Variants in POLR2E observed in about 807,000 individuals in gnomAD.
POLR2E encodes RNA polymerase II, I and III subunit E, also known as DNA-directed RNA polymerases I, II, and III subunit RPABC1.
In POLR2E, 35 loss-of-function variants were observed where a neutral mutation model predicts 29.8. That is an observed-to-expected ratio of 1.17 (90% CI 0.90 to 1.55). The LOEUF (loss-of-function observed/expected upper bound fraction) is 1.55. POLR2E is among the 40% of genes most tolerant of loss of function. The probability of loss-of-function intolerance (pLI) is 0.00; values close to 1 mark genes in which losing one functional copy is unlikely to be tolerated. For synonymous variants in POLR2E, 174 were observed against 112.6 expected (o/e 1.55, Z -3.45); for missense variants, 287 against 288.6 (o/e 0.99, Z 0.04).
chr19:1,088,706 G>C lies in POLR2E; in HGVS notation c.*29C>G, dbSNP rs2043763833. 1 of 149,908 alleles carries C rather than the reference G, an allele frequency of 6.7e-6. No individual in the cohort carries two copies. Among genetic ancestry groups the C allele is most frequent in the Non-Finnish European group, 1.5e-5 (1 of 66,416 alleles). The allele number at this position is 149,908 out of a possible 1,614,324, so 9.3% of individuals were successfully genotyped here. A position where few individuals can be genotyped will look rare whatever the true frequency, so the allele number is the denominator to read the frequency against. On this transcript the variant is annotated 3_prime_UTR_variant, in exon 8 of 8. Coordinates refer to ENST00000615234, the MANE Select transcript of POLR2E (RefSeq NM_002695.5). Reference sequence around the variant, plus strand: ...CCTGCAGGGATGGGGGTCGCTGTGTGTCCGCCTCTAGGGGCTAGGAAAGGG... The same window carrying C: ...CCTGCAGGGATGGGGGTCGCTGTGTCTCCGCCTCTAGGGGCTAGGAAAGGG...
rs571866527 is a variant in POLR2E, at chr19:1,094,095, C to G, written c.58-17G>C. The G allele has an allele frequency of 6.3e-7, 1 of 1,596,126 alleles. No individual in the cohort carries two copies. The highest frequency in any genetic ancestry group is 1.3e-5 in the African/African-American group (1 of 74,196). ...GTGGCACAGCTGCAGAGAGAAAGAACCAGCTGACCCCAGGGCAGAGAGAGG... is the reference window on the plus strand; with the variant it reads ...GTGGCACAGCTGCAGAGAGAAAGAAGCAGCTGACCCCAGGGCAGAGAGAGG... On this transcript the variant is annotated splice_polypyrimidine_tract_variant and intron_variant, in intron 1 of 7. Coordinates refer to ENST00000615234, the MANE Select transcript of POLR2E (RefSeq NM_002695.5).
In POLR2E at chr19:1,093,914, CACAA is replaced by C; in HGVS notation, c.218_221del (p.Phe73CysfsTer37). The C allele has an allele frequency of 6.2e-7, 1 of 1,600,214 alleles. No individual in the cohort carries two copies. The highest frequency in any genetic ancestry group is 8.5e-7 in the Non-Finnish European group (1 of 1,172,814). ...GGACCCGCTGCTCACCTGGAAAGAA[CACAA>C]ACATCTGGTCGGTGGGGTCATCGTT... is the stretch of plus-strand genomic sequence containing the variant. On this transcript the variant is annotated frameshift_variant, in exon 2 of 8. Transcript: ENST00000615234. LOFTEE classifies it high-confidence loss of function.
intron 6 of POLR2E, 135 bp downstream of exon 6, chr19:1,089,749 A>T: frequency 5.0e-6 from 4 of 805,278 alleles, no homozygotes; most frequent in Non-Finnish European, 8.2e-6. Flanking sequence ...AGAGGGGGAT[A>T]TTGGGGGTGT....
In POLR2E at chr19:1,086,610, T is replaced by TAA. The variant is rs759776995; in HGVS notation, c.*2123_*2124dup. The stretch of plus-strand genomic sequence containing the variant: ...CACAGGCACGTTTATTTTGCTGAAA[T>TAA]AAAAAGTTTTTAATCGGGTGTTTTC... On this transcript the variant is annotated 3_prime_UTR_variant, in exon 8 of 8. Transcript: ENST00000615234. 1.3e-5 allele frequency: 2 copies of TAA among 151,830 alleles called. No homozygotes were observed. Among genetic ancestry groups the TAA allele is most frequent in the Non-Finnish European group, 3.0e-5 (2 of 67,668 alleles). The allele number at this position is 151,830 out of a possible 1,614,324, so 9.4% of individuals were successfully genotyped here.
intron 4 of POLR2E, 148 bp from the exon 5 acceptor site, chr19:1,090,293 C>T: frequency 2.8e-6 from 2 of 705,434 alleles, no homozygotes; most frequent in South Asian, 3.2e-5. Context: ...CCACCCACCC[C>T]ACCCTGGCTC....
chr19:1,091,509 C>A (rs1326020469), intron 3 of POLR2E: 4 of 480,330 alleles, frequency 8.3e-6, no homozygotes, highest in Non-Finnish European at 1.5e-5. Flanking sequence ...GAATCTGCAC[C>A]AGGCCGAGGG....
intron 5 of POLR2E, 36 bp downstream of exon 5, chr19:1,090,051 A>C (rs768045893): frequency 4.1e-6 from 5 of 1,215,316 alleles, no homozygotes; most frequent in South Asian, 1.2e-5. Context: ...CTCGAGGGAC[A>C]GGGAGGGGCG....
chr19:1,093,458 CA>C (rs2043879673), intron 2 of POLR2E, among the ~76,000 whole-genome samples: 1 of 151,100 alleles, frequency 6.6e-6, no homozygotes, highest in Non-Finnish European at 1.5e-5. Context: ...CGGACGCTGA[CA>C]GGGGAGAGGG....
chr19:1,090,245 G>A (rs2043799982), intron 4 of POLR2E, 100 bp from the exon 5 acceptor site: 1 of 1,000,492 alleles, frequency 1.0e-6, no homozygotes, highest in Non-Finnish European at 1.6e-6. Context: ...ACGGACAAGA[G>A]CCCTGAACCC....
At chr19:1,090,852 C>A (rs528570862) in intron 4 of POLR2E, 56 bp downstream of exon 4, 3 of 1,487,708 alleles carry the variant, frequency 2.0e-6, no homozygotes, top group Admixed American at 1.7e-5. Context: ...TGGCCACCCA[C>A]AAACGCTGCA....
chr19:1,093,422 C>T (rs538618914), intron 2 of POLR2E, among the ~76,000 whole-genome samples: 5 of 151,908 alleles, frequency 3.3e-5, no homozygotes, highest in South Asian at 2.1e-4. Flanking sequence ...AAAAGAGGCC[C>T]GAGCACAAGC....
In POLR2E at chr19:1,087,644, C is replaced by G. The variant is rs2145124463; in HGVS notation, c.*1091G>C. 1 of 152,394 alleles carries G rather than the reference C, an allele frequency of 6.6e-6. No individual in the cohort carries two copies. Among genetic ancestry groups the G allele is most frequent in the South Asian group, 2.1e-4 (1 of 4,836 alleles). The allele number at this position is 152,394 out of a possible 1,614,324, so 9.4% of individuals were successfully genotyped here. A position where few individuals can be genotyped will look rare whatever the true frequency, so the allele number is the denominator to read the frequency against. On this transcript the variant is annotated 3_prime_UTR_variant, in exon 8 of 8. Transcript: ENST00000615234. ...GACATCAGTGTTTGTCCCTTTGGGTCTGGCTTGCTTTGGCCAAGACAATTT... is the reference window on the plus strand; with the variant it reads ...GACATCAGTGTTTGTCCCTTTGGGTGTGGCTTGCTTTGGCCAAGACAATTT...
intron 3 of POLR2E, 47 bp downstream of exon 3, chr19:1,091,745 A>C: frequency 9.1e-7 from 1 of 1,096,678 alleles, no homozygotes; most frequent in Non-Finnish European, 1.3e-6. Context: ...TTGCGGGAGG[A>C]GGCTGGGGAG....
At chr19:1,094,219 G>A (rs1157485845) in intron 1 of POLR2E, 141 bp from the exon 2 acceptor site, 8 of 705,898 alleles carry the variant, frequency 1.1e-5, no homozygotes, top group Middle Eastern at 3.8e-4. Context: ...TGTGCTCCAT[G>A]ACAGCCACCC....
At chr19:1,092,023 G>A (rs531374614) in intron 2 of POLR2E, 116 bp from the exon 3 acceptor site, 14 of 711,288 alleles carry the variant, frequency 2.0e-5, no homozygotes, top group African/African-American at 5.2e-5. Flanking sequence ...TCTCCTGCTC[G>A]GGCCTCGGCT....
In POLR2E at chr19:1,090,117, T is replaced by C; in HGVS notation, c.458A>G (p.Lys153Arg). The C allele has an allele frequency of 6.2e-7, 1 of 1,612,572 alleles. No individual in the cohort carries two copies. The highest frequency in any genetic ancestry group is 8.5e-7 in the Non-Finnish European group (1 of 1,179,918). ...GGCCAGCAGCTCTGTCACCTCCTCC[T>C]TGGTCATGACGACGTGCTCAGGGAC... ...ELVPEHVVMT[K>R]EEVTELLARY... The change falls in exon 5 of 8, where the codon AAG becomes AGG. Residue 153 changes from lysine to arginine, a missense_variant. Lys to Arg is a conservative substitution (Grantham distance 26). Coordinates refer to ENST00000615234, the MANE Select transcript of POLR2E (RefSeq NM_002695.5).
At chr19:1,089,699 T>G (rs1003763069) in intron 6 of POLR2E, 148 bp from the exon 7 acceptor site, 15 of 798,608 alleles carry the variant, frequency 1.9e-5, no homozygotes, top group Non-Finnish European at 2.9e-5. Context: ...CCTGGGAACC[T>G]GGGTCACGCT....
chr19:1,091,378 G>A (rs556092796), intron 3 of POLR2E: 44 of 365,580 alleles, frequency 1.2e-4, no homozygotes, highest in African/African-American at 8.3e-4. Flanking sequence ...ACAGCAGCCT[G>A]GCTCCAGAGT....
chr19:1,095,169 G>C (rs34912475), intron 1 of POLR2E, 90 bp downstream of exon 1: 90 of 1,344,854 alleles, frequency 6.7e-5, no homozygotes, highest in Non-Finnish European at 8.6e-5. Flanking sequence ...CTGCTCCGAC[G>C]AGAGTACGAG....
Sources: gnomAD v4.1 joint callset for allele counts (sites outside exome capture counted in the v4.1 genomes callset) on GRCh38, gnomAD v4.1.1 for gene constraint, MANE v1.5 for transcripts, NCBI Gene and HGNC (gene_info 2026-07-23, HGNC 2026-07-21) for gene names.